The following HEATR5B variants were observed in gnomAD, a reference collection of about 807,000 sequenced individuals.
The protein encoded by HEATR5B is HEAT repeat-containing protein 5B.
HEATR5B carries 156 observed loss-of-function variants against 224.1 expected under a neutral mutation model. The ratio of observed to expected loss-of-function variants is 0.70; its 90% CI spans 0.61 to 0.80. The LOEUF is 0.80. HEATR5B is among the 30% of genes least tolerant of loss of function. The pLI is 0.00. For missense variants in HEATR5B, 2,323 were observed against 2,535.5 expected (o/e 0.92, Z 1.80); for synonymous variants, 1,027 against 893.0 (o/e 1.15, Z -2.68).
chr2:36,988,002 G>A (rs1666058927), intron 35 of HEATR5B, among the ~76,000 whole-genome samples: 1 of 151,966 alleles, frequency 6.6e-6, no homozygotes, highest in Non-Finnish European at 1.5e-5. Flanking sequence ...AGTGCAGGAG[G>A]CAGAGGTTGC....
intron 34 of HEATR5B, among the ~76,000 whole-genome samples, chr2:36,989,976 T>G (rs1666216058): frequency 2.3e-5 from 3 of 131,162 alleles, no homozygotes; most frequent in Admixed American, 8.6e-5. Context: ...TGGCACAATC[T>G]CAACTCACTC....
intron 32 of HEATR5B, 75 bp downstream of exon 32, chr2:37,002,231 T>C: frequency 6.6e-7 from 1 of 1,508,304 alleles, no homozygotes; most frequent in Non-Finnish European, 9.1e-7. Context: ...GTTATAACAG[T>C]GCTTAAAATC....
chr2:36,983,527 G>A (rs905544842), intron 35 of HEATR5B, among the ~76,000 whole-genome samples: 17 of 149,980 alleles, frequency 1.1e-4, no homozygotes, highest in Non-Finnish European at 1.8e-4. Flanking sequence ...CAACAAGAGC[G>A]AAACTCTGTC....
chr2:37,070,216 T>C lies in HEATR5B; in HGVS notation c.927+14A>G, dbSNP rs1489029222. 6.2e-7 allele frequency: 1 copy of C among 1,613,584 alleles called. No individual in the cohort carries two copies. The highest frequency in any genetic ancestry group is 2.2e-5 in the East Asian group (1 of 44,874). ...TGCCTGGCCAAAATTCTTTCACACA[T>C]ACGTGTTACAAACCTGCGTAACTCC... On this transcript the variant is annotated intron_variant, in intron 7 of 35. Coordinates refer to ENST00000233099, the MANE Select transcript of HEATR5B (RefSeq NM_019024.3).
intron 17 of HEATR5B, 96 bp from the exon 18 acceptor site, chr2:37,049,939 G>A: frequency 1.7e-6 from 2 of 1,166,090 alleles, no homozygotes; most frequent in East Asian, 2.7e-5. Context: ...TGCCCAGGCT[G>A]GAGTGCAATG....
chr2:37,064,735 C>G lies in HEATR5B; in HGVS notation c.1584+5G>C. The stretch of plus-strand genomic sequence containing the variant: ...GCATTCCCAAGTCTAGGATCTCCGT[C>G]ATACCTTTCCTTTGGCATGAGGAAT... On this transcript the variant is annotated splice_donor_5th_base_variant and intron_variant, in intron 10 of 35. Transcript: ENST00000233099. The G allele has an allele frequency of 6.2e-7, 1 of 1,613,862 alleles. No individual in the cohort carries two copies. Among genetic ancestry groups the G allele is most frequent in the South Asian group, 1.1e-5 (1 of 91,060 alleles).
intron 35 of HEATR5B, among the ~76,000 whole-genome samples, chr2:36,983,556 C>G (rs2148310674): frequency 1.3e-5 from 2 of 148,476 alleles, no homozygotes; most frequent in East Asian, 4.0e-4. Flanking sequence ...CAAAACAAAA[C>G]AAAACAAAAA....
intron 33 of HEATR5B, among the ~76,000 whole-genome samples, chr2:36,992,233 TA>T (rs1312378820): frequency 2.7e-5 from 4 of 149,968 alleles, no homozygotes; most frequent in Admixed American, 2.7e-4. Context: ...AAAAGAGATG[TA>T]AAATTTGAAG....
chr2:36,995,948 C>T (rs1420158202), intron 33 of HEATR5B, among the ~76,000 whole-genome samples: 12 of 151,990 alleles, frequency 7.9e-5, no homozygotes, highest in Admixed American at 5.2e-4. Context: ...TGCAGTGGTG[C>T]GATCTGGGCT....
At chr2:37,082,046 T>C (rs1672603346) in intron 2 of HEATR5B, among the ~76,000 whole-genome samples, 1 of 135,148 alleles carries the variant, frequency 7.4e-6, no homozygotes, top group African/African-American at 2.8e-5. Context: ...TTGAGGGAAG[T>C]ATCTACTTTT....
chr2:37,039,102 G>A (rs1669712470), intron 20 of HEATR5B, among the ~76,000 whole-genome samples: 1 of 151,472 alleles, frequency 6.6e-6, no homozygotes, highest in Non-Finnish European at 1.5e-5. Flanking sequence ...GGGAGTGGGA[G>A]GATTGCTTGA....
chr2:37,080,522 G>A (rs1672489327), intron 2 of HEATR5B, among the ~76,000 whole-genome samples: 1 of 152,008 alleles, frequency 6.6e-6, no homozygotes, highest in Admixed American at 6.6e-5. Flanking sequence ...AGAAAAAGAG[G>A]GAAGTCAAAA....
rs749124761 is a variant in HEATR5B at position 37,072,059 on chromosome 2, C to G, written c.769+51G>C. The G allele has an allele frequency of 2.1e-6, 3 of 1,407,410 alleles. No individual in the cohort carries two copies. In the South Asian group the frequency reaches 4.1e-5, roughly 19 times the overall value. 87.2% of individuals were successfully genotyped at this position (1,407,410 alleles called of 1,614,324 possible). A position where few individuals can be genotyped will look rare whatever the true frequency, so the allele number is the denominator to read the frequency against. ...TCCATTACACTGACTTGCCTATATG[C>G]AATAACTAATTAGGTCTGTTATGGT... On this transcript the variant is annotated intron_variant, in intron 6 of 35. Coordinates refer to ENST00000233099, the MANE Select transcript of HEATR5B (RefSeq NM_019024.3).
At position 37,076,941 on chromosome 2, in the gene HEATR5B, ATT is replaced by A. The variant is rs765073492; in HGVS notation, c.415_416del (p.Asn139Ter). ...MLGSAFPETV[N>X]NLLKSLKSAE... is the part of the protein sequence containing the mutation. ...CACTTTTCAGAGATTTCAATAGATT[ATT>A]TACCGTTTCTGGAAATGCGCTGCCC... On this transcript the variant is annotated frameshift_variant, in exon 4 of 36. Coordinates refer to ENST00000233099, the MANE Select transcript of HEATR5B (RefSeq NM_019024.3). LOFTEE classifies it high-confidence loss of function. 1 of 1,613,820 alleles carries A rather than the reference ATT, an allele frequency of 6.2e-7. No individual in the cohort carries two copies. The highest frequency in any genetic ancestry group is 1.1e-5 in the South Asian group (1 of 91,082).
intron 7 of HEATR5B, 73 bp from the exon 8 acceptor site, chr2:37,069,003 T>G: frequency 7.1e-7 from 1 of 1,408,318 alleles, no homozygotes; most frequent in Non-Finnish European, 9.7e-7. Context: ...AAGCAACTAC[T>G]AAAATAACTG....
At chr2:37,034,606 C>A in intron 21 of HEATR5B, among the ~76,000 whole-genome samples, 1 of 98,060 alleles carries the variant, frequency 1.0e-5, no homozygotes, top group African/African-American at 4.3e-5. Flanking sequence ...CAGCGAGACT[C>A]TGTCTCAAAA....
intron 5 of HEATR5B, 110 bp from the exon 6 acceptor site, chr2:37,072,391 A>C (rs1671959584): frequency 1.5e-6 from 1 of 661,478 alleles, no homozygotes; most frequent in African/African-American, 1.8e-5. Flanking sequence ...AAAACTCGAC[A>C]AAATAAATGA....
intron 24 of HEATR5B, among the ~76,000 whole-genome samples, chr2:37,025,408 T>A (rs935896953): frequency 6.6e-6 from 1 of 151,518 alleles, no homozygotes. Context: ...AGAACGATTC[T>A]GAAGATTCAG....
In HEATR5B at chr2:37,072,128, T is replaced by C. The variant is rs1558376769; in HGVS notation, c.751A>G (p.Met251Val). Reference protein sequence around the residue: ...LLGTVMATALMPKQATVMRQN... With the variant: ...LLGTVMATALVPKQATVMRQN... ...ACAATACCTGTTGCCTGTTTTGGCA[T>C]TAATGCTGTGGCCATGACTGTTCCT... Residue 251 changes from methionine to valine, a missense_variant, in exon 6 of 36, where the codon ATG becomes GTG. By Grantham distance (21) the Met-to-Val change is conservative. Coordinates refer to ENST00000233099, the MANE Select transcript of HEATR5B (RefSeq NM_019024.3). 2 of 1,613,394 alleles carry C rather than the reference T, an allele frequency of 1.2e-6. No individual in the cohort carries two copies. Among genetic ancestry groups the C allele is most frequent in the African/African-American group, 1.3e-5 (1 of 74,898 alleles).
Sources: allele counts gnomAD v4.1 joint callset (sites outside exome capture counted in the v4.1 genomes callset), GRCh38; gene constraint gnomAD v4.1.1; transcripts MANE v1.5; gene names NCBI Gene and HGNC (gene_info 2026-07-23, HGNC 2026-07-21).